The following PYGL variants were observed in gnomAD, a reference collection of about 807,000 sequenced individuals.
The protein encoded by PYGL is glycogen phosphorylase L.
In PYGL, 90 loss-of-function variants were observed where a neutral mutation model predicts 100.1. The ratio of observed to expected loss-of-function variants is 0.90; its 90% CI spans 0.76 to 1.07. The LOEUF (loss-of-function observed/expected upper bound fraction) is 1.07, where lower values mean the gene tolerates loss of function less well. Among genes scored for constraint, PYGL ranks in the 50% least tolerant of loss-of-function variants. PYGL has a pLI of 0.00. For missense variants in PYGL, 1,016 were observed against 1,057.6 expected (o/e 0.96, Z 0.55); for synonymous variants, 373 against 393.0 (o/e 0.95, Z 0.60).
At position 50,908,937 on chromosome 14, in the gene PYGL, G is replaced by GT; in HGVS notation, c.2195dup (p.Tyr732Ter). 1 of 1,007,538 alleles carries GT rather than the reference G, an allele frequency of 9.9e-7. No homozygotes were observed. The highest frequency in any genetic ancestry group is 1.5e-6 in the Non-Finnish European group (1 of 680,990). 62.4% of individuals were successfully genotyped at this position (1,007,538 alleles called of 1,614,324 possible). Residue 732 changes from tyrosine (Y) to a stop codon, truncating the protein, a stop_gained and frameshift_variant, in exon 18 of 20, where the codon TAC (tyrosine) becomes TAAC (stop). Transcript: ENST00000216392. LOFTEE classifies it high-confidence loss of function. ...LDKKGYEAKE[Y>*]YEALPELKLV... Reference sequence around the variant, plus strand: ...GCTTCAGCTCTGGAAGTGCCTCATAGTATTCTTTTGCCTCGTACCTGTGGG... The same window carrying GT: ...GCTTCAGCTCTGGAAGTGCCTCATAGTTATTCTTTTGCCTCGTACCTGTGGG...
rs1169844602 is a variant in PYGL at position 50,935,169 on chromosome 14, T to C, written c.362A>G (p.Glu121Gly). ...ATCTTCTTCAATTTCTTCTAACTCT[T>C]CTATATCCAATCCAAGCTGGTAATG... ...EAIYQLGLDIEELEEIEEDAG... is the reference protein window; with the variant it reads ...EAIYQLGLDIGELEEIEEDAG... The change falls in exon 3 of 20, where the codon GAA (glutamate) becomes GGA (glycine). Residue 121 changes from glutamate (E) to glycine (G), a missense_variant. Coordinates refer to ENST00000216392, the MANE Select transcript of PYGL (RefSeq NM_002863.5). 5 of 1,612,132 alleles carry C rather than the reference T, an allele frequency of 3.1e-6. No homozygotes were observed. The highest frequency in any genetic ancestry group is 1.6e-4 in the Middle Eastern group (1 of 6,078).
At chr14:50,929,182 T>C (rs2050581388) in intron 4 of PYGL, among the ~76,000 whole-genome samples, 1 of 152,084 alleles carries the variant, frequency 6.6e-6, no homozygotes, top group East Asian at 1.9e-4. Context: ...CCCAAGTAGC[T>C]GGGATTACAT....
At position 50,924,115 on chromosome 14, in the gene PYGL, A is replaced by G; in HGVS notation, c.529-15T>C. 5.6e-6 allele frequency: 9 copies of G among 1,612,324 alleles called. No homozygotes were observed. The highest frequency in any genetic ancestry group is 5.9e-6 in the Non-Finnish European group (7 of 1,178,606). On this transcript the variant is annotated splice_polypyrimidine_tract_variant and intron_variant, in intron 4 of 19. Transcript: ENST00000216392. ...GCTTCTTCTACCTGCAAAAGGATAC[A>G]GTATTGCTTAGAATTTATTTGTCAG...
rs1171447686 is a variant in PYGL at position 50,905,362 on chromosome 14, A to T, written c.*30T>A. The T allele has an allele frequency of 1.3e-6, 2 of 1,578,676 alleles. No homozygotes were observed. The highest frequency in any genetic ancestry group is 2.2e-5 in the South Asian group (2 of 90,008). ...GTAAAAATGTTCAAGTTCAGTAAGA[A>T]GCTATGTTTTCTAGAGACAATTCTA... On this transcript the variant is annotated 3_prime_UTR_variant, in exon 20 of 20. Transcript: ENST00000216392.
Position 50,920,982 on chromosome 14 carries a change from G to T in PYGL, c.746C>A (p.Ala249Glu). 1 of 1,614,108 alleles carries T rather than the reference G, an allele frequency of 6.2e-7. No homozygotes were observed. Among genetic ancestry groups the T allele is most frequent in the Non-Finnish European group, 8.5e-7 (1 of 1,179,956 alleles). ...VNTMRLWSAR[A>E]PNDFNLRDFN... The stretch of plus-strand genomic sequence containing the variant: ...GTCTCTGAGGTTAAAGTCATTTGGT[G>T]CCCGAGCAGACCAGAGGCGCATGGT... Residue 249 changes from alanine to glutamate, a missense_variant, in exon 6 of 20, where the codon GCA becomes GAA. Coordinates refer to ENST00000216392, the MANE Select transcript of PYGL (RefSeq NM_002863.5).
At chr14:50,917,870 T>C (rs967800996) in intron 7 of PYGL, among the ~76,000 whole-genome samples, 6 of 152,224 alleles carry the variant, frequency 3.9e-5, no homozygotes, top group African/African-American at 1.4e-4. Flanking sequence ...CTTCGATTTT[T>C]ATAGATCATG....
Position 50,944,339 on chromosome 14 carries a change from A to C in PYGL, c.65T>G (p.Val22Gly), listed in dbSNP as rs2050731038. ...RQISIRGIVGVENVAELKKSF... is the reference protein window; with the variant it reads ...RQISIRGIVGGENVAELKKSF... ...CTTCTTCAGCTCTGCCACGTTCTCC[A>C]CGCCCACGATGCCGCGGATGCTGAT... The change falls in exon 1 of 20, where the codon GTG becomes GGG. Residue 22 changes from valine (V) to glycine (G), a missense_variant. Transcript: ENST00000216392. The C allele has an allele frequency of 1.9e-6, 3 of 1,613,818 alleles. No homozygotes were observed. The highest frequency in any genetic ancestry group is 2.5e-6 in the Non-Finnish European group (3 of 1,179,832).
chr14:50,942,657 A>G (rs2050711026), intron 1 of PYGL, among the ~76,000 whole-genome samples: 1 of 139,018 alleles, frequency 7.2e-6, no homozygotes, highest in Non-Finnish European at 1.6e-5. Flanking sequence ...CCTTGTCTCT[A>G]CTAAAAATAC....
chr14:50,936,787 T>C (rs531832438), intron 2 of PYGL, among the ~76,000 whole-genome samples: 8 of 137,090 alleles, frequency 5.8e-5, no homozygotes, highest in East Asian at 2.6e-4. Flanking sequence ...CGAGACTCCG[T>C]CTCAAAAAAA....
chr14:50,920,822 T>C (rs954697741), intron 6 of PYGL, 134 bp downstream of exon 6: 7 of 1,041,654 alleles, frequency 6.7e-6, no homozygotes, highest in Admixed American at 4.0e-5. Context: ...CTCCATACAA[T>C]GCCTGCTTAG....
chr14:50,937,418 CAGA>C (rs1048431998), intron 2 of PYGL, among the ~76,000 whole-genome samples: 35 of 94,532 alleles, frequency 3.7e-4, no homozygotes, highest in Admixed American at 9.6e-4. Flanking sequence ...ATTCTGATAG[CAGA>C]AGACTCAAGT....
At chr14:50,929,979 T>C (rs2050588395) in intron 4 of PYGL, among the ~76,000 whole-genome samples, 1 of 152,198 alleles carries the variant, frequency 6.6e-6, no homozygotes, top group Non-Finnish European at 1.5e-5. Flanking sequence ...ACAACTTCTG[T>C]TGAAGCTTTG....
At chr14:50,928,738 A>C (rs1045722603) in intron 4 of PYGL, among the ~76,000 whole-genome samples, 1 of 152,214 alleles carries the variant, frequency 6.6e-6, no homozygotes, top group African/African-American at 2.4e-5. Flanking sequence ...TCTTCCCAGC[A>C]TGTGGAATTT....
chr14:50,906,415 C>G (rs146012682), intron 19 of PYGL, among the ~76,000 whole-genome samples: 46 of 152,312 alleles, frequency 3.0e-4, no homozygotes, highest in African/African-American at 1.1e-3. Context: ...AAAGCTTTCT[C>G]TCTTCATTTT....
In PYGL at chr14:50,944,149, GC is replaced by G; in HGVS notation, c.243+11del. On this transcript the variant is annotated intron_variant, in intron 1 of 19. Coordinates refer to ENST00000216392, the MANE Select transcript of PYGL (RefSeq NM_002863.5). ...GGGCTGGACCCCGGCCCGCCGTCCC[GC>G]CCCCGGTTACCTTGGGGCACTTGTC... 1.3e-6 allele frequency: 2 copies of G among 1,596,506 alleles called. No individual in the cohort carries two copies. The highest frequency in any genetic ancestry group is 1.7e-6 in the Non-Finnish European group (2 of 1,176,248).
At chr14:50,926,379 A>T (rs2050547740) in intron 4 of PYGL, among the ~76,000 whole-genome samples, 1 of 151,908 alleles carries the variant, frequency 6.6e-6, no homozygotes, top group Non-Finnish European at 1.5e-5. Context: ...AAATAAAATA[A>T]AATTTTAATA....
Position 50,908,845 on chromosome 14 carries a change from A to T in PYGL, c.2288T>A (p.Ile763Asn). 6.4e-7 allele frequency: 1 copy of T among 1,567,404 alleles called. No individual in the cohort carries two copies. The highest frequency in any genetic ancestry group is 8.8e-7 in the Non-Finnish European group (1 of 1,137,736). ...PKQPDLFKDI[I>N]NMLFYHDRFK... ...CCTGTCATGATAAAATAGCATGTTG[A>T]TGATATCTTTGAAGAGGTCAGGCTG... The change falls in exon 18 of 20, where the codon ATC (isoleucine) becomes AAC (asparagine). Residue 763 changes from isoleucine to asparagine, a missense_variant. Transcript: ENST00000216392.
rs1291128222 is a variant in PYGL, at chr14:50,921,033, G to T, written c.695C>A (p.Pro232His). ...GTTGACAGTGTTATTCATGTAGCCG[G>T]GCACGGGGGTGTCATATGGCAGAGC... The part of the protein sequence containing the change: ...VLALPYDTPV[P>H]GYMNNTVNTM... Residue 232 changes from proline to histidine, a missense_variant, in exon 6 of 20, where the codon CCC becomes CAC. Coordinates refer to ENST00000216392, the MANE Select transcript of PYGL (RefSeq NM_002863.5). 4 of 1,614,086 alleles carry T rather than the reference G, an allele frequency of 2.5e-6. No individual in the cohort carries two copies. The highest frequency in any genetic ancestry group is 2.5e-6 in the Non-Finnish European group (3 of 1,180,038).
At chr14:50,920,492 G>A (rs2050489850) in intron 7 of PYGL, 49 bp downstream of exon 7, 1 of 1,504,950 alleles carries the variant, frequency 6.6e-7, no homozygotes, top group Non-Finnish European at 9.2e-7. Flanking sequence ...AGGCTCTTGT[G>A]AAATAAGCTG....
Sources: gnomAD v4.1 joint callset for allele counts (sites outside exome capture counted in the v4.1 genomes callset) on GRCh38, gnomAD v4.1.1 for gene constraint, MANE v1.5 for transcripts, NCBI Gene and HGNC (gene_info 2026-07-23, HGNC 2026-07-21) for gene names.